BMP1: variants seen among roughly 807,000 people sequenced by gnomAD.
BMP1 encodes mammalian tolloid protein.
BMP1 carries 63 observed loss-of-function variants against 116.8 expected under a neutral mutation model. The ratio of observed to expected loss-of-function variants is 0.54; its 90% confidence interval spans 0.44 to 0.67. The LOEUF (loss-of-function observed/expected upper bound fraction) is 0.67, where lower values mean the gene tolerates loss of function less well. BMP1 is among the 30% of genes least tolerant of loss of function. The probability of loss-of-function intolerance (pLI) is 0.00; values close to 1 mark genes in which losing one functional copy is unlikely to be tolerated. For synonymous variants in BMP1, 536 were observed against 533.4 expected (o/e 1.00, Z -0.07); for missense variants, 1,183 against 1,358.9 (o/e 0.87, Z 2.04).
intron 1 of BMP1, chr8:22,171,103 G>A (rs1488650749): frequency 6.6e-6 from 1 of 152,218 alleles, no homozygotes; most frequent in African/African-American, 2.4e-5. Context: ...AGCATCTTCT[G>A]TTGCCGTCCC....
chr8:22,207,590 C>A (rs549519111), intron 18 of BMP1, 74 bp downstream of exon 18: 4 of 1,526,926 alleles, frequency 2.6e-6, no homozygotes, highest in East Asian at 2.3e-5. Flanking sequence ...GGTTTCAATG[C>A]GGGTATGAAG....
intron 8 of BMP1, among the ~76,000 whole-genome samples, chr8:22,185,222 C>T (rs1326326867): frequency 7.9e-5 from 12 of 152,004 alleles, no homozygotes; most frequent in African/African-American, 2.4e-4. Flanking sequence ...GAGGTCGAGG[C>T]GGGTGGATCA....
chr8:22,190,694 G>A (rs537836056), intron 8 of BMP1, among the ~76,000 whole-genome samples: 55 of 152,324 alleles, frequency 3.6e-4, no homozygotes, highest in African/African-American at 1.3e-3. Flanking sequence ...AGAGTGACCA[G>A]GAGCCAGGAG....
Position 22,194,377 on chromosome 8 carries a change from A to C in BMP1, c.1298-68A>C. On this transcript the variant is annotated intron_variant, in intron 10 of 19. Transcript: ENST00000306385. This position sits in a 1 kb window ranked among gnomAD's most constrained non-coding sequence, Gnocchi z 4.5. ...GGGAGGGACTGGAGGAGTGGGGAAAAGAGCTCCCTAGCAGGGCAAAGCATG... is the reference window on the plus strand; with the variant it reads ...GGGAGGGACTGGAGGAGTGGGGAAACGAGCTCCCTAGCAGGGCAAAGCATG... The C allele has an allele frequency of 6.3e-7, 1 of 1,588,852 alleles. No individual in the cohort carries two copies. The highest frequency in any genetic ancestry group is 8.6e-7 in the Non-Finnish European group (1 of 1,164,484).
At chr8:22,198,885 T>G in intron 15 of BMP1, 1 of 1,119,780 alleles carries the variant, frequency 8.9e-7, no homozygotes, top group Middle Eastern at 2.6e-4. Flanking sequence ...ATTTCTTCCT[T>G]CCCTGTGCCC....
intron 13 of BMP1, among the ~76,000 whole-genome samples, chr8:22,195,900 C>T (rs933142568): frequency 2.0e-5 from 3 of 152,096 alleles, no homozygotes; most frequent in Non-Finnish European, 4.4e-5. Flanking sequence ...CCTCCTGCCT[C>T]GGCCTCCCAA....
At chr8:22,209,007 A>G (rs1157923055) in intron 18 of BMP1, among the ~76,000 whole-genome samples, 3 of 152,242 alleles carry the variant, frequency 2.0e-5, no homozygotes, top group East Asian at 3.9e-4. Flanking sequence ...TTTGGCCCAC[A>G]CTGTGTTTTT....
intron 19 of BMP1, 71 bp from the exon 20 acceptor site, chr8:22,211,523 G>T: frequency 1.9e-6 from 3 of 1,600,874 alleles, no homozygotes; most frequent in Non-Finnish European, 2.6e-6. Context: ...CAAAGCTGGG[G>T]ATCTTGGGGA....
intron 2 of BMP1, among the ~76,000 whole-genome samples, chr8:22,174,696 C>T (rs2131846190): frequency 6.8e-6 from 1 of 147,564 alleles, no homozygotes; most frequent in African/African-American, 2.5e-5. Context: ...GCAGTGGCAC[C>T]ATTTCGGCTC....
intron 8 of BMP1, among the ~76,000 whole-genome samples, chr8:22,191,591 A>T (rs1245740821): frequency 6.6e-6 from 1 of 152,200 alleles, no homozygotes; most frequent in Non-Finnish European, 1.5e-5. Flanking sequence ...TGACAAAGCA[A>T]GACCCTGACT....
In BMP1 at chr8:22,165,414, C is replaced by A; in HGVS notation, c.9C>A (p.Gly3=). MP[G]VARLPLLLGL... ...GCCGCCGCCCCGCCAGCATGCCCGGCGTGGCCCGCCTGCCGCTGCTGCTCG... is the reference window on the plus strand; with the variant it reads ...GCCGCCGCCCCGCCAGCATGCCCGGAGTGGCCCGCCTGCCGCTGCTGCTCG... Residue 3 remains glycine, a synonymous_variant, in exon 1 of 20, where the codon GGC becomes GGA. Transcript: ENST00000306385. 1 of 1,523,848 alleles carries A rather than the reference C, an allele frequency of 6.6e-7. No individual in the cohort carries two copies. The highest frequency in any genetic ancestry group is 8.8e-7 in the Non-Finnish European group (1 of 1,141,796). 94.4% of individuals were successfully genotyped at this position (1,523,848 alleles called of 1,614,324 possible). A position where few individuals can be genotyped will look rare whatever the true frequency, so the allele number is the denominator to read the frequency against.
chr8:22,187,537 G>A lies in BMP1; in HGVS notation c.1078-4512G>A, dbSNP rs561964218. ...TTTTTTTTTTTGTATTTTTAGTAGA[G>A]ACAGGGTTTCACCGTGTTAGCCAGC... On this transcript the variant is annotated intron_variant, in intron 8 of 19. Transcript: ENST00000306385. Among the ~76,000 whole-genome samples the A allele has an allele frequency of 4.6e-5, 6 of 129,788 alleles. No individual in the cohort carries two copies. In the East Asian group the frequency reaches 1.3e-3, roughly 29 times the overall value. The allele number at this position is 129,788 out of a possible 152,430, so 85.1% of individuals were successfully genotyped here. A position where few individuals can be genotyped will look rare whatever the true frequency, so the allele number is the denominator to read the frequency against.
chr8:22,189,843 A>G (rs931018615), intron 8 of BMP1, among the ~76,000 whole-genome samples: 3 of 152,224 alleles, frequency 2.0e-5, no homozygotes, highest in African/African-American at 7.2e-5. Context: ...TCAAAATGCC[A>G]GGACTTATAA....
chr8:22,176,859 T>G, intron 4 of BMP1, 102 bp from the exon 5 acceptor site: 2 of 1,055,590 alleles, frequency 1.9e-6, no homozygotes, highest in Non-Finnish European at 2.7e-6. Context: ...ACCCCTCCCC[T>G]TCGCTCCCCT....
Position 22,196,806 on chromosome 8 carries a change from T to G in BMP1, c.1892T>G (p.Leu631Arg). The change falls in exon 14 of 20, where the codon CTG becomes CGG. Residue 631 changes from leucine (L) to arginine (R), a missense_variant. This residue lies in a region of BMP1 where 956 missense variants were observed against 1,135.2 expected (regional missense o/e 0.84). Coordinates refer to ENST00000306385, the MANE Select transcript of BMP1 (RefSeq NM_006129.5). ...LVAPTQYRIS[L>R]QFDFFETEGN... The stretch of plus-strand genomic sequence containing the variant: ...GCCCCCACCCAGTACCGCATCTCCC[T>G]GCAGTTTGACTTCTTTGAGACAGAG... 6.2e-7 allele frequency: 1 copy of G among 1,613,978 alleles called. No homozygotes were observed. Among genetic ancestry groups the G allele is most frequent in the Non-Finnish European group, 8.5e-7 (1 of 1,179,958 alleles).
At chr8:22,204,501 T>C (rs1829317414) in intron 16 of BMP1, among the ~76,000 whole-genome samples, 1 of 152,168 alleles carries the variant, frequency 6.6e-6, no homozygotes, top group Non-Finnish European at 1.5e-5. Flanking sequence ...TGGGGGCAGA[T>C]TGCCTGAGCT....
In BMP1 at chr8:22,206,888, T is replaced by C. The variant is rs1308154497; in HGVS notation, c.2268T>C (p.Gly756=). The part of the protein sequence containing the change: ...GCDHKVTSTS[G]TITSPNWPDK... Reference sequence around the variant, plus strand: ...ACCACAAGGTGACATCCACCAGTGGTACCATCACCAGCCCCAACTGGCCTG... The same window carrying C: ...ACCACAAGGTGACATCCACCAGTGGCACCATCACCAGCCCCAACTGGCCTG... The change falls in exon 17 of 20, where the codon GGT becomes GGC. Residue 756 remains glycine, a synonymous_variant. Transcript: ENST00000306385. 2.5e-6 allele frequency: 4 copies of C among 1,614,066 alleles called. No individual in the cohort carries two copies. The highest frequency in any genetic ancestry group is 2.5e-6 in the Non-Finnish European group (3 of 1,179,984).
rs777397148 is a variant in BMP1 at position 22,201,089 on chromosome 8, C to T, written c.2108-714C>T. Reference sequence around the variant, plus strand: ...CTGCCCTCCACCCCCACCCCTTGGTCCCTTTTCTCCTTCTCTCTCTCGTTT... The same window carrying T: ...CTGCCCTCCACCCCCACCCCTTGGTTCCTTTTCTCCTTCTCTCTCTCGTTT... On this transcript the variant is annotated intron_variant, in intron 15 of 19. Coordinates refer to ENST00000306385, the MANE Select transcript of BMP1 (RefSeq NM_006129.5). The T allele has an allele frequency of 2.4e-6, 3 of 1,261,664 alleles. No homozygotes were observed. In the African/African-American group the frequency reaches 4.7e-5, roughly 20 times the overall value. The allele number at this position is 1,261,664 out of a possible 1,614,324, so 78.2% of individuals were successfully genotyped here. A position where few individuals can be genotyped will look rare whatever the true frequency, so the allele number is the denominator to read the frequency against.
At chr8:22,196,651 A>G (rs1277667439) in intron 13 of BMP1, 29 bp from the exon 14 acceptor site, 40 of 1,613,052 alleles carry the variant, frequency 2.5e-5, no homozygotes, top group Non-Finnish European at 3.2e-5. Context: ...GGCTCCCCGC[A>G]GACGATGCCA....
Sources: allele counts gnomAD v4.1 joint callset (sites outside exome capture counted in the v4.1 genomes callset), GRCh38; gene constraint gnomAD v4.1.1; regional missense constraint gnomAD v4.1.1; non-coding constraint Gnocchi (gnomAD v3.1); transcripts MANE v1.5; gene names NCBI Gene and HGNC (gene_info 2026-07-23, HGNC 2026-07-21).